The following LRFN5 variants were observed in gnomAD, a reference collection of about 807,000 sequenced individuals.
LRFN5 encodes the protein leucine rich repeat and fibronectin type III domain containing 5.
Under a neutral mutation model 45.6 loss-of-function variants are expected in LRFN5, and 24 were observed. That is an observed-to-expected ratio of 0.53 (90% CI 0.38 to 0.74). The LOEUF is 0.74. LRFN5 is among the 30% of genes least tolerant of loss of function. The probability of loss-of-function intolerance (pLI) is 0.00; values close to 1 mark genes in which losing one functional copy is unlikely to be tolerated. For synonymous variants in LRFN5, 340 were observed against 313.8 expected (o/e 1.08, Z -0.88); for missense variants, 776 against 861.5 (o/e 0.90, Z 1.24).
At chr14:41,717,857 T>G (rs1455202046) in intron 1 of LRFN5, among the ~76,000 whole-genome samples, 1 of 152,138 alleles carries the variant, frequency 6.6e-6, no homozygotes. Flanking sequence ...CTTATTTATT[T>G]TAGAAAAGGG....
At chr14:41,779,313 C>T (rs1317414364) in intron 2 of LRFN5, among the ~76,000 whole-genome samples, 1 of 151,710 alleles carries the variant, frequency 6.6e-6, no homozygotes, top group Non-Finnish European at 1.5e-5. Flanking sequence ...TTTAAATTAG[C>T]TTTGGATAAA....
chr14:41,703,452 G>C (rs1215686433), intron 1 of LRFN5, among the ~76,000 whole-genome samples: 2 of 148,640 alleles, frequency 1.3e-5, no homozygotes, highest in Non-Finnish European at 2.9e-5. Context: ...ATTCCATTCT[G>C]ACTATTTAAT....
intron 1 of LRFN5, among the ~76,000 whole-genome samples, chr14:41,695,296 T>C (rs1290214780): frequency 6.6e-6 from 1 of 151,874 alleles, no homozygotes; most frequent in East Asian, 1.9e-4. Flanking sequence ...CTCCATAACA[T>C]AAAAGTGCAA....
intron 2 of LRFN5, among the ~76,000 whole-genome samples, chr14:41,788,070 C>T (rs1398593828): frequency 2.6e-5 from 4 of 152,086 alleles, no homozygotes; most frequent in Non-Finnish European, 4.4e-5. Flanking sequence ...CTTCTGGCTC[C>T]CTGATCTTGG....
chr14:41,815,706 A>G (rs1887893521), intron 2 of LRFN5, among the ~76,000 whole-genome samples: 1 of 152,088 alleles, frequency 6.6e-6, no homozygotes, highest in African/African-American at 2.4e-5. Context: ...ACTGAGTGCC[A>G]CTGCACTCCA....
chr14:41,650,258 CACACACACAAAAAA>C (rs1297083483), intron 1 of LRFN5, among the ~76,000 whole-genome samples: 3 of 142,160 alleles, frequency 2.1e-5, no homozygotes, highest in African/African-American at 8.1e-5. Flanking sequence ...CACACACACA[CACACACACAAAAAA>C]AAAAAAGATA....
Position 41,607,481 on chromosome 14 carries a change from T to C in LRFN5, c.-1278T>C, listed in dbSNP as rs1323687970. On this transcript the variant is annotated 5_prime_UTR_variant, in exon 1 of 6. Coordinates refer to ENST00000298119, the MANE Select transcript of LRFN5 (RefSeq NM_152447.5). ...TGTTGGCTACCTTTTCAAGTCATCT[T>C]GGCATGTCTCTAGTGTTTTGTAAGC... 1 of 152,284 alleles carries C rather than the reference T, an allele frequency of 6.6e-6. No individual in the cohort carries two copies. Among genetic ancestry groups the C allele is most frequent in the Non-Finnish European group, 1.5e-5 (1 of 68,104 alleles). The allele number at this position is 152,284 out of a possible 1,614,324, so 9.4% of individuals were successfully genotyped here.
chr14:41,822,143 A>T (rs564804270), intron 2 of LRFN5, among the ~76,000 whole-genome samples: 2 of 151,672 alleles, frequency 1.3e-5, no homozygotes, highest in African/African-American at 4.8e-5. Flanking sequence ...TGTATTTTTC[A>T]TCTCAATTTT....
At chr14:41,860,218 G>A (rs972106493) in intron 2 of LRFN5, among the ~76,000 whole-genome samples, 1 of 152,080 alleles carries the variant, frequency 6.6e-6, no homozygotes, top group Non-Finnish European at 1.5e-5. Context: ...AAGGTACTCA[G>A]CATACAAAAT....
At chr14:41,731,812 A>C (rs1026768875) in intron 1 of LRFN5, 1 of 152,216 alleles carries the variant, frequency 6.6e-6, no homozygotes, top group Admixed American at 6.5e-5. Context: ...TTAGCTAGGC[A>C]AAGAAGAGGA....
At chr14:41,670,203 CTG>C (rs199613410) in intron 1 of LRFN5, among the ~76,000 whole-genome samples, 25 of 113,512 alleles carry the variant, frequency 2.2e-4, no homozygotes, top group East Asian at 7.6e-4. Context: ...TATACATTCT[CTG>C]TGTGTGTGTG....
At chr14:41,669,335 A>G (rs1881054353) in intron 1 of LRFN5, among the ~76,000 whole-genome samples, 1 of 152,068 alleles carries the variant, frequency 6.6e-6, no homozygotes, top group Admixed American at 6.5e-5. Flanking sequence ...ATTATTTGCA[A>G]TTAATAACAC....
intron 1 of LRFN5, among the ~76,000 whole-genome samples, chr14:41,673,678 C>A: frequency 6.9e-6 from 1 of 145,526 alleles, no homozygotes; most frequent in African/African-American, 2.6e-5. Flanking sequence ...GGGGCTGACC[C>A]CCCCACCTCC....
At chr14:41,804,682 A>C (rs1028768948) in intron 2 of LRFN5, among the ~76,000 whole-genome samples, 1 of 152,168 alleles carries the variant, frequency 6.6e-6, no homozygotes, top group Non-Finnish European at 1.5e-5. Flanking sequence ...AGAGAATTTT[A>C]GAGGTTAAAG....
chr14:41,700,891 G>T (rs905143717), intron 1 of LRFN5: 4 of 152,042 alleles, frequency 2.6e-5, no homozygotes, highest in Non-Finnish European at 4.4e-5. Context: ...TAAAGATGAT[G>T]GCTGTGGTGG....
intron 2 of LRFN5, among the ~76,000 whole-genome samples, chr14:41,815,845 T>A (rs1402585768): frequency 6.6e-6 from 1 of 152,140 alleles, no homozygotes; most frequent in Non-Finnish European, 1.5e-5. Context: ...ATCCACTTTG[T>A]TAATTTCTGT....
At chr14:41,851,640 CA>C (rs1485495461) in intron 2 of LRFN5, among the ~76,000 whole-genome samples, 2 of 151,672 alleles carry the variant, frequency 1.3e-5, no homozygotes, top group Non-Finnish European at 3.0e-5. Context: ...CTGTTCAAAA[CA>C]AGGTTATTTA....
chr14:41,768,120 A>G (rs998865098), intron 2 of LRFN5, among the ~76,000 whole-genome samples: 2 of 152,132 alleles, frequency 1.3e-5, no homozygotes, highest in African/African-American at 4.8e-5. Context: ...TACTTAATGA[A>G]CCCACTTTTA....
At chr14:41,660,894 A>G (rs1480286623) in intron 1 of LRFN5, among the ~76,000 whole-genome samples, 1 of 151,524 alleles carries the variant, frequency 6.6e-6, no homozygotes, top group African/African-American at 2.4e-5. Flanking sequence ...TACTTTGGCC[A>G]AGTTCAAACA....
Sources: allele counts gnomAD v4.1 joint callset (sites outside exome capture counted in the v4.1 genomes callset), GRCh38; gene constraint gnomAD v4.1.1; transcripts MANE v1.5; gene names NCBI Gene and HGNC (gene_info 2026-07-23, HGNC 2026-07-21).